The following RNF220 variants were observed in gnomAD, a reference collection of about 807,000 sequenced individuals.
RNF220 encodes the protein E3 ubiquitin-protein ligase RNF220.
In RNF220, 7 loss-of-function variants were observed where a neutral mutation model predicts 67.1. The ratio of observed to expected loss-of-function variants is 0.10; its 90% CI spans 0.06 to 0.20. The LOEUF (loss-of-function observed/expected upper bound fraction) is 0.20, where lower values mean the gene tolerates loss of function less well. Among genes scored for constraint, RNF220 ranks in the 10% least tolerant of loss-of-function variants. RNF220 has a pLI of 1.00. For synonymous variants in RNF220, 270 were observed against 283.2 expected, an observed-to-expected ratio of 0.95 and a Z score of 0.47; for missense variants, 565 against 740.3, an observed-to-expected ratio of 0.76 and a Z score of 2.75.
intron 2 of RNF220, among the ~76,000 whole-genome samples, chr1:44,524,967 A>C (rs1336794355): frequency 2.0e-5 from 3 of 151,124 alleles, no homozygotes; most frequent in South Asian, 4.2e-4. Context: ...GCTGGTGAAA[A>C]AAAGGAAAAG....
chr1:44,502,691 T>C (rs1658034165), intron 2 of RNF220, among the ~76,000 whole-genome samples: 1 of 152,202 alleles, frequency 6.6e-6, no homozygotes, highest in Non-Finnish European at 1.5e-5. Flanking sequence ...CAATACATTG[T>C]AACATACATC....
intron 2 of RNF220, among the ~76,000 whole-genome samples, chr1:44,490,502 T>C (rs1016099829): frequency 2.7e-5 from 4 of 148,330 alleles, no homozygotes; most frequent in Admixed American, 1.3e-4. Context: ...AATAATAAGG[T>C]ATCAAAGGAG....
intron 6 of RNF220, 39 bp downstream of exon 6, chr1:44,632,424 G>GCCTCCTCCCTC: frequency 1.1e-6 from 1 of 937,568 alleles, no homozygotes; most frequent in Non-Finnish European, 1.4e-6. Context: ...CCCACCCCCG[G>GCCTCCTCCCTC]CCTCCTCCCT....
chr1:44,582,714 G>A (rs925162741), intron 2 of RNF220, among the ~76,000 whole-genome samples: 6 of 139,750 alleles, frequency 4.3e-5, no homozygotes, highest in South Asian at 4.6e-4. Flanking sequence ...CAAAGATCGC[G>A]TTACTGCACT....
intron 2 of RNF220, among the ~76,000 whole-genome samples, chr1:44,483,938 C>T (rs749002280): frequency 7.2e-5 from 11 of 152,152 alleles, no homozygotes; most frequent in African/African-American, 1.9e-4. Context: ...TCTGGGCTCA[C>T]TGCTAGCCTT....
rs558543261 is a variant in RNF220 at position 44,488,453 on chromosome 1, C to A, written c.625+75731C>A. 2.0e-5 allele frequency among the ~76,000 whole-genome samples: 3 copies of A among 152,138 alleles called. No homozygotes were observed. The East Asian group carries it at 5.8e-4, about 30-fold the overall frequency. ...CATGCCCTGCTAATTTTTATATTCT[C>A]AGTAGAGACAGGGTTTCGCCATGTC... is the stretch of plus-strand genomic sequence containing the variant. On this transcript the variant is annotated intron_variant, in intron 2 of 14. Transcript: ENST00000361799.
At chr1:44,594,055 A>C (rs1417666234) in intron 2 of RNF220, among the ~76,000 whole-genome samples, 1 of 151,844 alleles carries the variant, frequency 6.6e-6, no homozygotes, top group Non-Finnish European at 1.5e-5. Context: ...ACTGTACTCC[A>C]GCCTGGGTGA....
At position 44,474,877 on chromosome 1, in the gene RNF220, A is replaced by G. The variant is rs78267070; in HGVS notation, c.625+62155A>G. ...ATGAAAATACTATGCCACCTTATATAAGGGAATTGAGCATCCAAGTGTTTT... is the reference window on the plus strand; with the variant it reads ...ATGAAAATACTATGCCACCTTATATGAGGGAATTGAGCATCCAAGTGTTTT... On this transcript the variant is annotated intron_variant, in intron 2 of 14. Coordinates refer to ENST00000361799, the MANE Select transcript of RNF220 (RefSeq NM_018150.4). 3.3e-4 allele frequency among the ~76,000 whole-genome samples: 51 copies of G among 152,316 alleles called. 2 individuals are homozygous for G. The East Asian group carries it at 8.5e-3, about 25-fold the overall frequency.
intron 2 of RNF220, among the ~76,000 whole-genome samples, chr1:44,562,822 C>T (rs550782389): frequency 2.0e-5 from 3 of 152,296 alleles, no homozygotes; most frequent in East Asian, 1.9e-4. Flanking sequence ...CTTCTTTCTT[C>T]CCCTCCTCTC....
intron 2 of RNF220, among the ~76,000 whole-genome samples, chr1:44,480,419 T>C (rs140904890): frequency 8.1e-4 from 121 of 149,966 alleles, no homozygotes; most frequent in African/African-American, 2.7e-3. Flanking sequence ...ATTAATTAAT[T>C]AATTAATTAA....
chr1:44,430,551 T>C (rs1340842107), intron 2 of RNF220, among the ~76,000 whole-genome samples: 1 of 152,198 alleles, frequency 6.6e-6, no homozygotes, highest in East Asian at 1.9e-4. Flanking sequence ...TTTATTTTTA[T>C]TTTTTATTTT....
chr1:44,487,806 G>T (rs1211730286), intron 2 of RNF220, among the ~76,000 whole-genome samples: 2 of 150,214 alleles, frequency 1.3e-5, no homozygotes, highest in African/African-American at 4.9e-5. Context: ...CTTGAACCTG[G>T]GAGGTGGAGG....
chr1:44,447,689 C>T (rs928559056), intron 2 of RNF220, among the ~76,000 whole-genome samples: 1 of 152,138 alleles, frequency 6.6e-6, no homozygotes, highest in Admixed American at 6.5e-5. Context: ...CTCATTTAAC[C>T]CTCACCATAA....
At chr1:44,626,248 C>T (rs1643934529) in intron 4 of RNF220, 49 bp from the exon 5 acceptor site, 1 of 1,418,872 alleles carries the variant, frequency 7.0e-7, no homozygotes, top group Admixed American at 1.7e-5. Flanking sequence ...TAGGGACTGA[C>T]TGTAGGTCTC....
At chr1:44,543,619 A>G (rs1661862476) in intron 2 of RNF220, among the ~76,000 whole-genome samples, 1 of 152,068 alleles carries the variant, frequency 6.6e-6, no homozygotes, top group Admixed American at 6.6e-5. Flanking sequence ...ACAGAAGTCA[A>G]CGTGGAAGCC....
At chr1:44,597,156 T>C (rs1666555770) in intron 2 of RNF220, among the ~76,000 whole-genome samples, 1 of 152,218 alleles carries the variant, frequency 6.6e-6, no homozygotes, top group African/African-American at 2.4e-5. Context: ...ATGTAAGTTA[T>C]ACCACCAAGG....
rs565300976 is a variant in RNF220, at chr1:44,516,932, CTCA to C, written c.626-97228_626-97226del. On this transcript the variant is annotated intron_variant, in intron 2 of 14. Transcript: ENST00000361799. Reference sequence around the variant, plus strand: ...CTGCCCTCACCAGTCCAGAATGCTGCTCATCATTTTTCCCACCAAAACTGTTCC... The same window carrying C: ...CTGCCCTCACCAGTCCAGAATGCTGCTCATTTTTCCCACCAAAACTGTTCC... Among the ~76,000 whole-genome samples, 581 of 152,244 alleles carry C rather than the reference CTCA, an allele frequency of 3.8e-3. 5 individuals carry two copies. The highest frequency in any genetic ancestry group is 0.013 in the African/African-American group (558 of 41,524).
chr1:44,441,228 G>A (rs1651519765), intron 2 of RNF220, among the ~76,000 whole-genome samples: 1 of 152,204 alleles, frequency 6.6e-6, no homozygotes, highest in Non-Finnish European at 1.5e-5. Flanking sequence ...TCCCTAAGCA[G>A]CCATAGGGAC....
intron 2 of RNF220, among the ~76,000 whole-genome samples, chr1:44,484,994 T>A (rs887877913): frequency 6.6e-6 from 1 of 152,020 alleles, no homozygotes; most frequent in Non-Finnish European, 1.5e-5. Flanking sequence ...ATACAAAAAA[T>A]TAGCTGGGCA....
Sources: gnomAD v4.1 joint callset for allele counts (sites outside exome capture counted in the v4.1 genomes callset) on GRCh38, gnomAD v4.1.1 for gene constraint, MANE v1.5 for transcripts, NCBI Gene and HGNC (gene_info 2026-07-23, HGNC 2026-07-21) for gene names.